The following CC2D1B variants were observed in gnomAD, a reference collection of about 807,000 sequenced individuals.
CC2D1B encodes coiled-coil and C2 domain-containing protein 1B.
Under a neutral mutation model 110.8 loss-of-function variants are expected in CC2D1B, and 92 were observed. The observed-to-expected ratio is 0.83, with a 90% CI of 0.70 to 0.99. The LOEUF is 0.99. Among genes scored for constraint, CC2D1B ranks in the 50% least tolerant of loss-of-function variants. CC2D1B has a pLI of 0.00. For synonymous variants in CC2D1B, 406 were observed against 429.2 expected (o/e 0.95, Z 0.67); for missense variants, 1,136 against 1,089.0 (o/e 1.04, Z -0.61).
chr1:52,357,206 CTAAG>C (rs993163256), intron 15 of CC2D1B, 80 bp from the exon 16 acceptor site: 28 of 1,513,814 alleles, frequency 1.8e-5, no homozygotes, highest in African/African-American at 4.2e-5. Flanking sequence ...GGAGCCCAAA[CTAAG>C]TAATTCTTCA....
chr1:52,364,798 G>T (rs759432087), intron 1 of CC2D1B, among the ~76,000 whole-genome samples, 164 bp from the exon 2 acceptor site: 56 of 152,226 alleles, frequency 3.7e-4, no homozygotes, highest in Admixed American at 6.5e-4. Flanking sequence ...ACAGGCCATG[G>T]GAGGGATGGG....
At chr1:52,364,218 T>A (rs1646840114) in intron 2 of CC2D1B, among the ~76,000 whole-genome samples, 1 of 152,188 alleles carries the variant, frequency 6.6e-6, no homozygotes, top group African/African-American at 2.4e-5. Flanking sequence ...GGCACAGCCA[T>A]CTGTCCCTAG....
Position 52,352,153 on chromosome 1 carries a change from TTAA to T in CC2D1B, c.*1069_*1071del, listed in dbSNP as rs1481125395. ...TGAGGAATGCTTTGTTGATCTTGAA[TTAA>T]TAATTCAAAAAGGGGGTGGGGGAAG... On this transcript the variant is annotated 3_prime_UTR_variant, in exon 25 of 25. Coordinates refer to ENST00000284376, the MANE Select transcript of CC2D1B (RefSeq NM_001330585.2). 6.6e-6 allele frequency: 1 copy of T among 152,164 alleles called. No individual in the cohort carries two copies. Among genetic ancestry groups the T allele is most frequent in the Admixed American group, 6.5e-5 (1 of 15,280 alleles). 9.4% of individuals were successfully genotyped at this position (152,164 alleles called of 1,614,324 possible). A position where few individuals can be genotyped will look rare whatever the true frequency, so the allele number is the denominator to read the frequency against.
chr1:52,355,078 G>A lies in CC2D1B; in HGVS notation c.2240-139C>T, dbSNP rs906833402. The A allele has an allele frequency of 1.1e-4, 75 of 711,768 alleles. No individual in the cohort carries two copies. In the Admixed American group the frequency reaches 1.6e-3, roughly 15 times the overall value. The allele number at this position is 711,768 out of a possible 1,614,324, so 44.1% of individuals were successfully genotyped here. A position where few individuals can be genotyped will look rare whatever the true frequency, so the allele number is the denominator to read the frequency against. ...GGTACTGCCTCCAAAGGGTGGTAGA[G>A]CATCGCGGTCCTGGCCTTGGAAGTG... On this transcript the variant is annotated intron_variant, in intron 21 of 24. Transcript: ENST00000284376.
At position 52,359,096 on chromosome 1, in the gene CC2D1B, G is replaced by C. The variant is rs147336567; in HGVS notation, c.1188C>G (p.Arg396=). The change falls in exon 11 of 25, where the codon CGC becomes CGG. Residue 396 remains arginine (R), a synonymous_variant. Transcript: ENST00000284376. ...DALQQRLNKY[R]EAGIQARSGG... ...CACTCCGGGCCTGGATGCCCGCCTCGCGGTACTTGTTCAGCCTCTGCTGCA... is the reference window on the plus strand; with the variant it reads ...CACTCCGGGCCTGGATGCCCGCCTCCCGGTACTTGTTCAGCCTCTGCTGCA... 15 of 1,609,968 alleles carry C rather than the reference G, an allele frequency of 9.3e-6. No individual in the cohort carries two copies. Among genetic ancestry groups the C allele is most frequent in the Non-Finnish European group, 1.3e-5 (15 of 1,180,032 alleles).
At chr1:52,356,549 C>T in intron 16 of CC2D1B, 107 bp from the exon 17 acceptor site, 1 of 1,158,938 alleles carries the variant, frequency 8.6e-7, no homozygotes, top group East Asian at 2.4e-5. Context: ...GTAGCCTCAC[C>T]TCTCTCCTCC....
At position 52,357,818 on chromosome 1, in the gene CC2D1B, G is replaced by A. The variant is rs1646687295; in HGVS notation, c.1542C>T (p.Pro514=). 1.3e-6 allele frequency: 2 copies of A among 1,592,976 alleles called. No individual in the cohort carries two copies. Among genetic ancestry groups the A allele is most frequent in the African/African-American group, 1.3e-5 (1 of 74,282 alleles). ...TVPSSQRLPE[P]RASSSKESPS... is the part of the protein sequence containing the mutation. ...GTGACTCCTTAGAACTTGAGGCCCT[G>A]GGCTCAGGCAGGCGCTGGGATGAAG... Residue 514 remains proline, a synonymous_variant, in exon 14 of 25, where the codon CCC becomes CCT. Coordinates refer to ENST00000284376, the MANE Select transcript of CC2D1B (RefSeq NM_001330585.2).
At chr1:52,365,391 C>A (rs1278516866) in intron 1 of CC2D1B, among the ~76,000 whole-genome samples, 3 of 152,222 alleles carry the variant, frequency 2.0e-5, no homozygotes, top group Non-Finnish European at 4.4e-5. Context: ...GAGGCGGTGA[C>A]GCCTGAGCTG....
chr1:52,354,518 G>T, intron 23 of CC2D1B, 90 bp downstream of exon 23: 3 of 1,051,178 alleles, frequency 2.9e-6, no homozygotes, highest in Non-Finnish European at 4.5e-6. Context: ...TAAGTAATGA[G>T]CACGAAAACC....
chr1:52,361,527 C>T lies in CC2D1B; in HGVS notation c.304G>A (p.Asp102Asn). 1 of 1,614,036 alleles carries T rather than the reference C, an allele frequency of 6.2e-7. No individual in the cohort carries two copies. Among genetic ancestry groups the T allele is most frequent in the Non-Finnish European group, 8.5e-7 (1 of 1,180,002 alleles). ...EEEEEEGLEE[D>N]AELLTELQEV... Reference sequence around the variant, plus strand: ...GGCAGACACACCAGCAGCTCTGCATCTTCCTCCAGCCCTTCCTCCTCCTCC... The same window carrying T: ...GGCAGACACACCAGCAGCTCTGCATTTTCCTCCAGCCCTTCCTCCTCCTCC... Residue 102 changes from aspartate (D) to asparagine (N), a missense_variant, in exon 4 of 25, where the codon GAT becomes AAT. Physicochemically the swap from Asp to Asn is conservative, Grantham distance 23. Transcript: ENST00000284376.
Position 52,357,041 on chromosome 1 carries a change from ACCT to A in CC2D1B, c.1835_1837del (p.Glu612del), listed in dbSNP as rs1557544760. On this transcript the variant is annotated inframe_deletion, in exon 16 of 25. Coordinates refer to ENST00000284376, the MANE Select transcript of CC2D1B (RefSeq NM_001330585.2). Reference sequence around the variant, plus strand: ...AAGCATTTTTTGCAGCTGGGCATACACCTCCTCCGCCTTCTGGGAGAGTCGCAG... The same window carrying A: ...AAGCATTTTTTGCAGCTGGGCATACACCTCCGCCTTCTGGGAGAGTCGCAG... The A allele has an allele frequency of 1.9e-6, 3 of 1,589,732 alleles. No individual in the cohort carries two copies. Among genetic ancestry groups the A allele is most frequent in the Non-Finnish European group, 2.6e-6 (3 of 1,167,684 alleles).
intron 23 of CC2D1B, chr1:52,354,301 A>C (rs964850488): frequency 3.5e-6 from 2 of 566,616 alleles, no homozygotes; most frequent in African/African-American, 1.9e-5. Flanking sequence ...GAGCTTACAG[A>C]ACCCCCTTTC....
chr1:52,358,109 G>C, intron 13 of CC2D1B: 1 of 886,686 alleles, frequency 1.1e-6, no homozygotes, highest in Non-Finnish European at 1.7e-6. Flanking sequence ...AGAGACTGCA[G>C]GGTAATGGGG....
intron 2 of CC2D1B, among the ~76,000 whole-genome samples, chr1:52,363,571 A>C (rs1401318678): frequency 6.6e-6 from 1 of 152,040 alleles, no homozygotes; most frequent in Non-Finnish European, 1.5e-5. Flanking sequence ...TTGTGAAACA[A>C]ACTTTCTACC....
chr1:52,359,157 A>C lies in CC2D1B; in HGVS notation c.1127T>G (p.Val376Gly). 3 of 1,609,694 alleles carry C rather than the reference A, an allele frequency of 1.9e-6. No individual in the cohort carries two copies. In the East Asian group the frequency reaches 6.7e-5, roughly 36 times the overall value. The change falls in exon 11 of 25, where the codon GTG (valine) becomes GGG (glycine). Residue 376 changes from valine (V) to glycine (G), a missense_variant and splice_region_variant. By Grantham distance (109) the Val-to-Gly change is moderately radical (BLOSUM62 -3). Transcript: ENST00000284376. ...CACTGTCTGTGACTCTGTAGGGGCC[A>C]CTTGAAGGAAAGAAGGAAGAAGTGG... is the stretch of plus-strand genomic sequence containing the variant. ...VMAPDVPATP[V>G]APTESQTVLD...
Position 52,360,433 on chromosome 1 carries a change from G to A in CC2D1B, c.594C>T (p.Arg198=), listed in dbSNP as rs377259457. The A allele has an allele frequency of 2.4e-5, 38 of 1,613,374 alleles. No homozygotes were observed. The highest frequency in any genetic ancestry group is 1.6e-4 in the Middle Eastern group (1 of 6,074). Residue 198 remains arginine, a synonymous_variant, in exon 6 of 25, where the codon CGC becomes CGT. Transcript: ENST00000284376. ...GCCTAGCCCGACTCACCTTCAGGCC[G>A]CGCTCGCAGCGCCTGGCTTTGGCTG... ...GEAAKARRCE[R]GLKTLESQLA...
intron 23 of CC2D1B, chr1:52,354,394 A>G (rs1557539683): frequency 1.4e-6 from 1 of 697,912 alleles, no homozygotes; most frequent in South Asian, 1.5e-5. Context: ...CATGGAAACA[A>G]GGAGGCTGCC....
intron 4 of CC2D1B, 162 bp downstream of exon 4, chr1:52,361,351 A>G: frequency 1.5e-6 from 2 of 1,322,636 alleles, no homozygotes; most frequent in Non-Finnish European, 1.0e-6. Flanking sequence ...AGCTTAGACC[A>G]GAAGTCAAAG....
chr1:52,353,233 G>T lies in CC2D1B; in HGVS notation c.*2-10C>A. 1.5e-6 allele frequency: 2 copies of T among 1,377,480 alleles called. No homozygotes were observed. The highest frequency in any genetic ancestry group is 9.6e-7 in the Non-Finnish European group (1 of 1,037,732). 85.3% of individuals were successfully genotyped at this position (1,377,480 alleles called of 1,614,324 possible). On this transcript the variant is annotated splice_polypyrimidine_tract_variant and intron_variant, in intron 24 of 24. Transcript: ENST00000284376. The stretch of plus-strand genomic sequence containing the variant: ...TGGTGCTGGCCATCGGCTACACAGG[G>T]GTGCAAAGCACAAGAAGTCAGTCTA...
Sources: allele counts gnomAD v4.1 joint callset (sites outside exome capture counted in the v4.1 genomes callset), GRCh38; gene constraint gnomAD v4.1.1; transcripts MANE v1.5; gene names NCBI Gene and HGNC (gene_info 2026-07-23, HGNC 2026-07-21).